CYREN: variants seen among roughly 807,000 people sequenced by gnomAD.
CYREN encodes cell cycle regulator of non-homologous end joining.
Under a neutral mutation model 9.7 loss-of-function variants are expected in CYREN, and 7 were observed. That is an observed-to-expected ratio of 0.72 (90% CI 0.41 to 1.36). The LOEUF (loss-of-function observed/expected upper bound fraction) is 1.36, where lower values mean the gene tolerates loss of function less well. CYREN is among the 40% of genes most tolerant of loss of function. CYREN has a pLI of 0.01. For synonymous variants in CYREN, 76 were observed against 77.9 expected (o/e 0.98, Z 0.13); for missense variants, 215 against 198.1 (o/e 1.09, Z -0.51).
At chr7:135,145,907 T>TA (rs1421879106) in intron 2 of CYREN, among the ~76,000 whole-genome samples, 1 of 152,206 alleles carries the variant, frequency 6.6e-6, no homozygotes, top group African/African-American at 2.4e-5. Flanking sequence ...CTGTTATGTC[T>TA]AAAAAAACCT....
rs563083870 is a variant in CYREN, at chr7:135,167,553, C to T, written c.213+179G>A. On this transcript the variant is annotated intron_variant, in intron 3 of 3. Transcript: ENST00000393114. ...TCTAGCCTCAAAGACACCCCACGAG[C>T]GCACACCCACATGGGGAGAGGCCTG... 3.7e-5 allele frequency: 53 copies of T among 1,434,072 alleles called. No individual in the cohort carries two copies. The East Asian group carries it at 4.0e-4, about 11-fold the overall frequency. The allele number at this position is 1,434,072 out of a possible 1,614,324, so 88.8% of individuals were successfully genotyped here. A position where few individuals can be genotyped will look rare whatever the true frequency, so the allele number is the denominator to read the frequency against.
chr7:135,150,246 C>G (rs1829636014), intron 2 of CYREN, among the ~76,000 whole-genome samples: 1 of 152,174 alleles, frequency 6.6e-6, no homozygotes, highest in African/African-American at 2.4e-5. Flanking sequence ...TTTCAGGACT[C>G]AAAACAAATA....
chr7:135,105,077 T>TG (rs1034106946), intron 2 of CYREN, among the ~76,000 whole-genome samples: 3 of 149,466 alleles, frequency 2.0e-5, no homozygotes, highest in Non-Finnish European at 3.0e-5. Context: ...CAAGTTTTTT[T>TG]TTTTTTTTTT....
At chr7:135,149,438 G>T (rs1829618822) in intron 2 of CYREN, among the ~76,000 whole-genome samples, 1 of 152,098 alleles carries the variant, frequency 6.6e-6, no homozygotes, top group Non-Finnish European at 1.5e-5. Flanking sequence ...TCTGATATTG[G>T]ACTTTCAAGC....
intron 2 of CYREN, among the ~76,000 whole-genome samples, chr7:135,124,838 C>T (rs572333923): frequency 6.6e-6 from 1 of 152,182 alleles, no homozygotes; most frequent in African/African-American, 2.4e-5. Context: ...TCAAGAAGTT[C>T]TTTGAAACCA....
exon 3 of CYREN, chr7:135,092,895 A>G (rs1288295539): frequency 1.3e-5 from 2 of 152,114 alleles, no homozygotes; most frequent in African/African-American, 2.4e-5. Flanking sequence ...ACAATATAAT[A>G]TACCATGTTA....
At position 135,115,725 on chromosome 7, in the gene CYREN, A is replaced by G; in HGVS notation, n.357-21143T>C. The G allele has an allele frequency of 9.5e-6, 8 of 844,736 alleles. No individual in the cohort carries two copies. In the South Asian group the frequency reaches 1.6e-4, roughly 17 times the overall value. 52.3% of individuals were successfully genotyped at this position (844,736 alleles called of 1,614,324 possible). A position where few individuals can be genotyped will look rare whatever the true frequency, so the allele number is the denominator to read the frequency against. On this transcript the variant is annotated intron_variant and non_coding_transcript_variant, in intron 2 of 2. Coordinates refer to the CYREN transcript ENST00000459937. ...AAAATCTGCTCTTGAAAATGATGTC[A>G]GCTCCATCACATTTGGCAAAGAACA...
intron 2 of CYREN, chr7:135,115,637 T>A: frequency 1.4e-6 from 2 of 1,476,242 alleles, no homozygotes; most frequent in Non-Finnish European, 1.8e-6. Flanking sequence ...TTTATCACTC[T>A]TATCTATTTA....
intron 2 of CYREN, chr7:135,147,745 G>A (rs563500959): frequency 8.8e-6 from 4 of 456,090 alleles, no homozygotes; most frequent in African/African-American, 8.0e-5. Flanking sequence ...ACACTGGCTG[G>A]GAGCTTGGAC....
intron 2 of CYREN, among the ~76,000 whole-genome samples, chr7:135,140,868 C>G (rs1162246121): frequency 6.6e-6 from 1 of 152,090 alleles, no homozygotes; most frequent in Non-Finnish European, 1.5e-5. Context: ...TGATGAATCA[C>G]ATTTATTGAT....
rs528057813 is a variant in CYREN, at chr7:135,168,991, A to G, written c.-69T>C. 2 of 1,442,236 alleles carry G rather than the reference A, an allele frequency of 1.4e-6. No homozygotes were observed. Among genetic ancestry groups the G allele is most frequent in the Non-Finnish European group, 9.3e-7 (1 of 1,077,424 alleles). The allele number at this position is 1,442,236 out of a possible 1,614,324, so 89.3% of individuals were successfully genotyped here. ...GACCTGTTTTTTAATTCAGGAAGGT[A>G]AATCTCGTTCTCTCGTCACACCCGG... On this transcript the variant is annotated 5_prime_UTR_variant, in exon 2 of 4. Transcript: ENST00000393114.
intron 2 of CYREN, among the ~76,000 whole-genome samples, chr7:135,106,366 A>G (rs1824723128): frequency 6.6e-6 from 1 of 151,260 alleles, no homozygotes; most frequent in Non-Finnish European, 1.5e-5. Context: ...TGGGCATGTC[A>G]TAGATATTTT....
chr7:135,130,333 C>T (rs527430036), intron 2 of CYREN, among the ~76,000 whole-genome samples: 1 of 152,186 alleles, frequency 6.6e-6, no homozygotes, highest in Non-Finnish European at 1.5e-5. Flanking sequence ...CGCTATGGGG[C>T]ACTTGATATT....
chr7:135,119,937 A>C (rs1826909259), intron 2 of CYREN, among the ~76,000 whole-genome samples: 1 of 152,230 alleles, frequency 6.6e-6, no homozygotes, highest in Non-Finnish European at 1.5e-5. Context: ...CTACAGAGGA[A>C]AAACAATTTG....
At chr7:135,139,060 T>C (rs1014095472) in intron 2 of CYREN, among the ~76,000 whole-genome samples, 7 of 152,226 alleles carry the variant, frequency 4.6e-5, no homozygotes, top group Admixed American at 1.3e-4. Flanking sequence ...AACATACACA[T>C]GCATGTGTCT....
intron 2 of CYREN, among the ~76,000 whole-genome samples, chr7:135,107,475 G>A (rs1407361925): frequency 4.6e-5 from 7 of 152,040 alleles, no homozygotes; most frequent in African/African-American, 7.2e-5. Context: ...TTATTTACCC[G>A]AAAGTCATTC....
chr7:135,103,172 C>T (rs1044603565), intron 2 of CYREN, among the ~76,000 whole-genome samples: 4 of 152,172 alleles, frequency 2.6e-5, no homozygotes, highest in East Asian at 3.9e-4. Flanking sequence ...TTCTTTGGAA[C>T]GTGCTTCACC....
chr7:135,144,128 G>A (rs568895491), intron 2 of CYREN, among the ~76,000 whole-genome samples: 1 of 152,308 alleles, frequency 6.6e-6, no homozygotes, highest in Admixed American at 6.5e-5. Context: ...TCAACCATAA[G>A]GCAAAGGTTC....
intron 2 of CYREN, among the ~76,000 whole-genome samples, chr7:135,132,401 T>C (rs1049631466): frequency 6.6e-6 from 1 of 152,162 alleles, no homozygotes; most frequent in Admixed American, 6.5e-5. Flanking sequence ...TTAGCAAGCT[T>C]AAGAAGAAAA....
Sources: gnomAD v4.1 joint callset for allele counts (sites outside exome capture counted in the v4.1 genomes callset) on GRCh38, gnomAD v4.1.1 for gene constraint, MANE v1.5 for transcripts, NCBI Gene and HGNC (gene_info 2026-07-23, HGNC 2026-07-21) for gene names.